SEZ6L: variants seen among roughly 807,000 people sequenced by gnomAD.
SEZ6L encodes the protein seizure related 6 homolog like, also known as seizure 6-like protein.
In SEZ6L, 37 loss-of-function variants were observed where a neutral mutation model predicts 106.2. The ratio of observed to expected loss-of-function variants is 0.35; its 90% CI spans 0.27 to 0.46. The LOEUF (loss-of-function observed/expected upper bound fraction) is 0.46. Ranked by LOEUF, SEZ6L falls within the 20% of genes least tolerant of loss-of-function variation. The probability of loss-of-function intolerance (pLI) is 1.00; values close to 1 mark genes in which losing one functional copy is unlikely to be tolerated. For missense variants in SEZ6L, 1,172 were observed against 1,332.8 expected (o/e 0.88, Z 1.88); for synonymous variants, 541 against 570.4 (o/e 0.95, Z 0.73).
At chr22:26,186,641 T>A (rs1375239215) in intron 1 of SEZ6L, among the ~76,000 whole-genome samples, 4 of 152,138 alleles carry the variant, frequency 2.6e-5, no homozygotes, top group African/African-American at 9.7e-5. Flanking sequence ...AGGGACCTGA[T>A]CAGATATGGA....
intron 9 of SEZ6L, among the ~76,000 whole-genome samples, chr22:26,338,324 A>G (rs79681823): frequency 0.021 from 3,272 of 152,278 alleles, 112 homozygotes; most frequent in African/African-American, 0.074. Flanking sequence ...TGACCACTGG[A>G]AAAATTCTTT....
chr22:26,349,126 T>C (rs1187233576), intron 11 of SEZ6L, among the ~76,000 whole-genome samples: 3 of 152,184 alleles, frequency 2.0e-5, no homozygotes, highest in Non-Finnish European at 2.9e-5. Flanking sequence ...GGGCCCCTTC[T>C]ATGTGGGACT....
chr22:26,205,273 A>G (rs1006298767), intron 1 of SEZ6L, among the ~76,000 whole-genome samples: 2 of 152,058 alleles, frequency 1.3e-5, no homozygotes, highest in African/African-American at 2.4e-5. Context: ...GTGACTTTTT[A>G]CTCTCCAAGA....
intron 1 of SEZ6L, among the ~76,000 whole-genome samples, chr22:26,245,728 A>G (rs987110918): frequency 6.6e-6 from 1 of 152,168 alleles, no homozygotes; most frequent in Non-Finnish European, 1.5e-5. Flanking sequence ...TGACCTTGAG[A>G]AAGTCACTTC....
intron 9 of SEZ6L, among the ~76,000 whole-genome samples, chr22:26,332,817 T>G (rs1355226268): frequency 6.6e-6 from 1 of 152,238 alleles, no homozygotes; most frequent in African/African-American, 2.4e-5. Context: ...AACACACTTC[T>G]TGAAAACGTG....
At chr22:26,193,918 A>T (rs1408080603) in intron 1 of SEZ6L, among the ~76,000 whole-genome samples, 3 of 152,192 alleles carry the variant, frequency 2.0e-5, no homozygotes, top group Non-Finnish European at 4.4e-5. Flanking sequence ...CACTGCCTGC[A>T]AGAGACTTAG....
intron 1 of SEZ6L, among the ~76,000 whole-genome samples, chr22:26,252,878 A>G (rs2145797704): frequency 6.6e-6 from 1 of 152,388 alleles, no homozygotes; most frequent in African/African-American, 2.4e-5. Context: ...TGCTGTAATT[A>G]ACATGCAAGT....
Position 26,306,035 on chromosome 22 carries a change from T to C in SEZ6L, c.1405T>C (p.Tyr469His), listed in dbSNP as rs1189230337. Residue 469 changes from tyrosine to histidine, a missense_variant, in exon 6 of 17, where the codon TAC becomes CAC. By Grantham distance (83) the Tyr-to-His change is moderately conservative. Around this residue, in one of 4 missense-constraint regions of SEZ6L, gnomAD observed 534 missense variants for 691.0 expected, o/e 0.77. Transcript: ENST00000248933. ...ATIGRVLSPS[Y>H]PENTNGSQFC... ...CATCGGCCGCGTCCTCTCCCCAAGTTACCCTGAAAACACAAATGGGAGCCA... is the reference window on the plus strand; with the variant it reads ...CATCGGCCGCGTCCTCTCCCCAAGTCACCCTGAAAACACAAATGGGAGCCA... The C allele has an allele frequency of 1.5e-5, 24 of 1,613,992 alleles. No individual in the cohort carries two copies. Among genetic ancestry groups the C allele is most frequent in the Non-Finnish European group, 1.9e-5 (23 of 1,180,032 alleles).
At chr22:26,345,851 A>C (rs1281925355) in intron 10 of SEZ6L, among the ~76,000 whole-genome samples, 1 of 152,212 alleles carries the variant, frequency 6.6e-6, no homozygotes, top group Non-Finnish European at 1.5e-5. Flanking sequence ...TTTGCCATGC[A>C]TTGCTACCTT....
intron 1 of SEZ6L, among the ~76,000 whole-genome samples, chr22:26,208,615 T>G (rs991747604): frequency 1.3e-5 from 2 of 152,190 alleles, no homozygotes; most frequent in African/African-American, 4.8e-5. Context: ...ATCCTGTATA[T>G]GATATGTTTG....
intron 12 of SEZ6L, 82 bp downstream of exon 12, chr22:26,351,325 C>G: frequency 7.5e-7 from 1 of 1,327,372 alleles, no homozygotes; most frequent in Middle Eastern, 1.9e-4. Context: ...GGCTGGGCTG[C>G]TAGGAGGCCT....
intron 3 of SEZ6L, among the ~76,000 whole-genome samples, chr22:26,296,559 C>T (rs2081305998): frequency 6.6e-6 from 1 of 152,304 alleles, no homozygotes; most frequent in East Asian, 1.9e-4. Flanking sequence ...CTCACCAGCT[C>T]CAGGATAATC....
chr22:26,195,737 G>A (rs969212645), intron 1 of SEZ6L, among the ~76,000 whole-genome samples: 1 of 151,898 alleles, frequency 6.6e-6, no homozygotes, highest in Non-Finnish European at 1.5e-5. Context: ...GTATGTGTAT[G>A]TATGTGTGTG....
chr22:26,325,494 T>G (rs2082278931), intron 9 of SEZ6L, among the ~76,000 whole-genome samples: 1 of 152,192 alleles, frequency 6.6e-6, no homozygotes, highest in Admixed American at 6.5e-5. Flanking sequence ...GAGACAAGAT[T>G]TGCACCTAGG....
Position 26,375,623 on chromosome 22 carries a change from T to C in SEZ6L, c.2876T>C (p.Leu959Pro), listed in dbSNP as rs1568959213. 6.2e-7 allele frequency: 1 copy of C among 1,614,194 alleles called. No individual in the cohort carries two copies. Among genetic ancestry groups the C allele is most frequent in the Non-Finnish European group, 8.5e-7 (1 of 1,180,026 alleles). Residue 959 changes from leucine to proline, a missense_variant, in exon 15 of 17, where the codon CTG becomes CCG. Transcript: ENST00000248933. Reference protein sequence around the residue: ...ETSLEGGNMALAIFIPVLIIS... With the variant: ...ETSLEGGNMAPAIFIPVLIIS... ...TCGCTGGAAGGGGGGAACATGGCCCTGGCTATCTTCATCCCGGTCCTCATC... is the reference window on the plus strand; with the variant it reads ...TCGCTGGAAGGGGGGAACATGGCCCCGGCTATCTTCATCCCGGTCCTCATC...
At chr22:26,313,484 TC>T (rs2081903612) in intron 8 of SEZ6L, among the ~76,000 whole-genome samples, 39 of 151,972 alleles carry the variant, frequency 2.6e-4, no homozygotes, top group Admixed American at 2.0e-3. Flanking sequence ...CTGTCCTTGG[TC>T]TTGAAAGAGC....
At chr22:26,343,934 C>G (rs1431663497) in intron 10 of SEZ6L, among the ~76,000 whole-genome samples, 1 of 152,164 alleles carries the variant, frequency 6.6e-6, no homozygotes, top group African/African-American at 2.4e-5. Context: ...GGAGGTCATG[C>G]CTAAAGTCTA....
At chr22:26,182,555 A>G (rs1193392940) in intron 1 of SEZ6L, among the ~76,000 whole-genome samples, 3 of 152,120 alleles carry the variant, frequency 2.0e-5, no homozygotes, top group African/African-American at 7.2e-5. Context: ...TACCCAATAT[A>G]GATACTACTG....
chr22:26,203,319 C>A lies in SEZ6L; in HGVS notation c.94+33556C>A, dbSNP rs114240559. 5.4e-3 allele frequency among the ~76,000 whole-genome samples: 818 copies of A among 152,288 alleles called. 7 individuals are homozygous for A. The highest frequency in any genetic ancestry group is 0.018 in the African/African-American group (744 of 41,552). On this transcript the variant is annotated intron_variant, in intron 1 of 16. Coordinates refer to ENST00000248933, the MANE Select transcript of SEZ6L (RefSeq NM_021115.5). ...CCCCTCCAGATTGAGTTAGATGAGG[C>A]CTTTTTGTTCTCTGCATCCCAGATA... is the stretch of plus-strand genomic sequence containing the variant.
Sources: allele counts gnomAD v4.1 joint callset (sites outside exome capture counted in the v4.1 genomes callset), GRCh38; gene constraint gnomAD v4.1.1; regional missense constraint gnomAD v4.1.1; transcripts MANE v1.5; gene names NCBI Gene and HGNC (gene_info 2026-07-23, HGNC 2026-07-21).